SMCHD1: variants seen among roughly 807,000 people sequenced by gnomAD.
SMCHD1 encodes structural maintenance of chromosomes flexible hinge domain-containing protein 1.
In SMCHD1, 78 loss-of-function variants were observed where a neutral mutation model predicts 254.7. That is an observed-to-expected ratio of 0.31 (90% CI 0.26 to 0.37). The LOEUF (loss-of-function observed/expected upper bound fraction) is 0.37, where lower values mean the gene tolerates loss of function less well. Among genes scored for constraint, SMCHD1 ranks in the 10% least tolerant of loss-of-function variants. The probability of loss-of-function intolerance (pLI) is 1.00; values close to 1 mark genes in which losing one functional copy is unlikely to be tolerated. For missense variants in SMCHD1, 1,840 were observed against 2,408.1 expected, an observed-to-expected ratio of 0.76 and a Z score of 4.94; for synonymous variants, 766 against 794.9, an observed-to-expected ratio of 0.96 and a Z score of 0.61.
At chr18:2,746,302 A>G (rs1347434187) in intron 29 of SMCHD1, among the ~76,000 whole-genome samples, 3 of 152,224 alleles carry the variant, frequency 2.0e-5, no homozygotes, top group Non-Finnish European at 2.9e-5. Context: ...TGCTTTTTCT[A>G]CTATTTTCTA....
At chr18:2,719,006 C>T (rs1045995426) in intron 19 of SMCHD1, among the ~76,000 whole-genome samples, 9 of 151,856 alleles carry the variant, frequency 5.9e-5, no homozygotes, top group East Asian at 3.9e-4. Flanking sequence ...TCCCCCAAAA[C>T]GTTCTCTGTT....
intron 24 of SMCHD1, among the ~76,000 whole-genome samples, chr18:2,731,260 A>G (rs895203768): frequency 6.6e-6 from 1 of 152,220 alleles, no homozygotes; most frequent in Admixed American, 6.5e-5. Context: ...AAGATTATAA[A>G]GGTATTTTAT....
intron 33 of SMCHD1, among the ~76,000 whole-genome samples, chr18:2,751,717 G>A (rs1038090933): frequency 1.3e-5 from 2 of 152,116 alleles, no homozygotes; most frequent in African/African-American, 4.8e-5. Flanking sequence ...AGATAGTAAA[G>A]AGATAGGATT....
Position 2,656,228 on chromosome 18 carries a change from G to T in SMCHD1, c.153G>T (p.Ser51=). The T allele has an allele frequency of 6.7e-7, 1 of 1,502,216 alleles. No individual in the cohort carries two copies. The highest frequency in any genetic ancestry group is 8.8e-7 in the Non-Finnish European group (1 of 1,134,750). 93.1% of individuals were successfully genotyped at this position (1,502,216 alleles called of 1,614,324 possible). A position where few individuals can be genotyped will look rare whatever the true frequency, so the allele number is the denominator to read the frequency against. ...GDRPLQVGER[S]DYAGFRACVC... ...GGCCTCTGCAGGTCGGGGAGCGCTCGGACTACGCGGGATTTCGCGCGTGTG... is the reference window on the plus strand; with the variant it reads ...GGCCTCTGCAGGTCGGGGAGCGCTCTGACTACGCGGGATTTCGCGCGTGTG... The change falls in exon 1 of 48, where the codon TCG becomes TCT. Residue 51 remains serine (S), a synonymous_variant. Transcript: ENST00000320876.
intron 34 of SMCHD1, among the ~76,000 whole-genome samples, chr18:2,755,973 G>T (rs2075671082): frequency 6.6e-6 from 1 of 152,132 alleles, no homozygotes; most frequent in African/African-American, 2.4e-5. Flanking sequence ...ATCTCAAAGG[G>T]AACATTTCAG....
chr18:2,676,055 C>A (rs2073741656), intron 5 of SMCHD1, among the ~76,000 whole-genome samples: 1 of 152,148 alleles, frequency 6.6e-6, no homozygotes, highest in Admixed American at 6.5e-5. Flanking sequence ...AGATACACCC[C>A]TTCAGCCTCT....
intron 5 of SMCHD1, among the ~76,000 whole-genome samples, chr18:2,685,994 G>A (rs2074042801): frequency 6.6e-6 from 1 of 152,094 alleles, no homozygotes; most frequent in Admixed American, 6.5e-5. Flanking sequence ...ACTAGAGCTT[G>A]TATTCATTCC....
chr18:2,771,568 T>C lies in SMCHD1; in HGVS notation c.5002T>C (p.Leu1668=), dbSNP rs746740103. Residue 1668 remains leucine (L), a synonymous_variant, in exon 40 of 48, where the codon TTG becomes CTG. Coordinates refer to ENST00000320876, the MANE Select transcript of SMCHD1 (RefSeq NM_015295.3). ...VEEARLKEAQ[L]RNELKIHNID... is the part of the protein sequence containing the mutation. ...AGAAGCAAGATTAAAAGAGGCCCAA[T>C]TGCGAAATGAACTAAAAATACATAA... 5.1e-6 allele frequency: 8 copies of C among 1,567,262 alleles called. No homozygotes were observed. Among genetic ancestry groups the C allele is most frequent in the East Asian group, 4.8e-5 (2 of 41,676 alleles).
chr18:2,706,656 T>C (rs1598343892), intron 15 of SMCHD1, 186 bp downstream of exon 15: 1 of 426,848 alleles, frequency 2.3e-6, no homozygotes, highest in Middle Eastern at 3.7e-4. Context: ...AATTCTGCAT[T>C]TGTTTTGTAG....
Position 2,750,495 on chromosome 18 carries a change from G to C in SMCHD1, c.4153G>C (p.Gly1385Arg), listed in dbSNP as rs774329481. 6.2e-7 allele frequency: 1 copy of C among 1,601,248 alleles called. No individual in the cohort carries two copies. The highest frequency in any genetic ancestry group is 1.1e-5 in the South Asian group (1 of 89,484). ...CAAAGATGCATCCTTCTTAGCAGGG[G>C]GTCTTTTCACTGGTGAGTATTTCAC... ...YDKDASFLAG[G>R]LFTDFMISVI... Residue 1385 changes from glycine to arginine, a missense_variant, in exon 32 of 48, where the codon GGT (glycine) becomes CGT (arginine). Gly to Arg is a moderately radical substitution (Grantham distance 125). This residue lies in a region of SMCHD1 where 881 missense variants were observed against 1,009.5 expected (regional missense o/e 0.87). Transcript: ENST00000320876.
intron 17 of SMCHD1, among the ~76,000 whole-genome samples, chr18:2,709,636 G>A (rs781403064): frequency 6.6e-6 from 1 of 151,956 alleles, no homozygotes; most frequent in Non-Finnish European, 1.5e-5. Flanking sequence ...AAAGATAATT[G>A]TGGTTTTGAT....
At chr18:2,707,335 G>C (rs1441828832) in intron 15 of SMCHD1, 1 of 302,574 alleles carries the variant, frequency 3.3e-6, no homozygotes, top group East Asian at 5.5e-5. Context: ...ACAGTTTCTG[G>C]CTTTTAATTC....
intron 34 of SMCHD1, among the ~76,000 whole-genome samples, chr18:2,758,185 CTGTTT>C (rs1568323850): frequency 6.6e-6 from 1 of 152,056 alleles, no homozygotes; most frequent in Non-Finnish European, 1.5e-5. Flanking sequence ...GGTTTTGGAT[CTGTTT>C]TGTTTTCTGT....
intron 29 of SMCHD1, among the ~76,000 whole-genome samples, chr18:2,745,743 G>A (rs950605311): frequency 1.3e-5 from 2 of 152,086 alleles, no homozygotes; most frequent in African/African-American, 4.8e-5. Flanking sequence ...ATGACAGCTT[G>A]TTAGCTCAAA....
chr18:2,681,337 T>C (rs2509461), intron 5 of SMCHD1, among the ~76,000 whole-genome samples: 126,384 of 149,004 alleles, frequency 0.85, 56,885 homozygotes, highest in East Asian at 1. Context: ...CACTTGAACC[T>C]GGGAGGTGGA....
intron 5 of SMCHD1, among the ~76,000 whole-genome samples, chr18:2,678,208 CTTTTCTTTCTTTCT>C (rs1345939309): frequency 4.9e-5 from 2 of 40,672 alleles, no homozygotes; most frequent in Non-Finnish European, 2.1e-4. Flanking sequence ...TCTTTTCTTT[CTTTTCTTTCTTTCT>C]TTTTCTTTCT....
chr18:2,681,213 G>T (rs758426667), intron 5 of SMCHD1, among the ~76,000 whole-genome samples: 1 of 152,118 alleles, frequency 6.6e-6, no homozygotes, highest in Non-Finnish European at 1.5e-5. Flanking sequence ...AGGAGTTCAA[G>T]ACCAGCCTGG....
intron 34 of SMCHD1, among the ~76,000 whole-genome samples, chr18:2,755,583 T>TTC: frequency 1.4e-5 from 2 of 146,702 alleles, no homozygotes; most frequent in Non-Finnish European, 3.0e-5. Context: ...TTTTTTTTTT[T>TTC]TTGAGATGGA....
intron 44 of SMCHD1, chr18:2,778,956 A>G (rs1470639734): frequency 3.3e-5 from 5 of 152,212 alleles, no homozygotes; most frequent in African/African-American, 1.2e-4. Flanking sequence ...GTCCCAAACA[A>G]AGGTAATGAG....
Sources: gnomAD v4.1 joint callset for allele counts (sites outside exome capture counted in the v4.1 genomes callset) on GRCh38, gnomAD v4.1.1 for gene constraint, gnomAD v4.1.1 regional missense constraint, MANE v1.5 for transcripts, NCBI Gene and HGNC (gene_info 2026-07-23, HGNC 2026-07-21) for gene names.